Variants in DOCK7 observed in about 807,000 individuals in gnomAD.
DOCK7 encodes dedicator of cytokinesis 7, also known as dedicator of cytokinesis protein 7.
DOCK7 carries 138 observed loss-of-function variants against 271.0 expected under a neutral mutation model. The ratio of observed to expected loss-of-function variants is 0.51; its 90% CI spans 0.44 to 0.59. The LOEUF (loss-of-function observed/expected upper bound fraction) is 0.59, where lower values mean the gene tolerates loss of function less well. Ranked by LOEUF, DOCK7 falls within the 20% of genes least tolerant of loss-of-function variation. DOCK7 has a pLI of 0.00. For synonymous variants in DOCK7, 823 were observed against 876.1 expected, an observed-to-expected ratio of 0.94 and a Z score of 1.07; for missense variants, 2,066 against 2,592.4, an observed-to-expected ratio of 0.80 and a Z score of 4.41.
intron 37 of DOCK7, among the ~76,000 whole-genome samples, chr1:62,498,639 G>A (rs201883031): frequency 2.1e-5 from 3 of 145,684 alleles, no homozygotes; most frequent in Non-Finnish European, 1.5e-5. Context: ...CAAGCTACTT[G>A]AAAAAAAAAA....
chr1:62,642,163 C>T (rs911743316), intron 7 of DOCK7, among the ~76,000 whole-genome samples: 5 of 150,194 alleles, frequency 3.3e-5, no homozygotes, highest in African/African-American at 9.8e-5. Flanking sequence ...GGCTGGAGTG[C>T]AATGGTGTGA....
intron 48 of DOCK7, among the ~76,000 whole-genome samples, chr1:62,469,084 A>G (rs1169321683): frequency 2.0e-5 from 3 of 152,206 alleles, no homozygotes; most frequent in African/African-American, 4.8e-5. Context: ...TAAAATTCAC[A>G]TGGAACCAAA....
chr1:62,590,248 T>C (rs995176871), intron 14 of DOCK7, among the ~76,000 whole-genome samples: 10 of 151,974 alleles, frequency 6.6e-5, no homozygotes, highest in Non-Finnish European at 1.3e-4. Context: ...AAAGTAGCTG[T>C]GAAGGGAAAA....
At chr1:62,657,310 A>G (rs1658139408) in intron 2 of DOCK7, among the ~76,000 whole-genome samples, 1 of 152,196 alleles carries the variant, frequency 6.6e-6, no homozygotes, top group African/African-American at 2.4e-5. Context: ...AACAGTAAGT[A>G]ACAAGGAGTC....
At chr1:62,616,509 T>A (rs111424396) in intron 14 of DOCK7, among the ~76,000 whole-genome samples, 1 of 151,772 alleles carries the variant, frequency 6.6e-6, no homozygotes, top group Non-Finnish European at 1.5e-5. Context: ...TTATTCAAAT[T>A]ATATATAATT....
intron 14 of DOCK7, chr1:62,602,532 T>C (rs1190517295): frequency 1.5e-6 from 1 of 683,214 alleles, no homozygotes; most frequent in East Asian, 2.7e-5. Context: ...ACACATTTGT[T>C]AGTAAATTAC....
rs779334367 is a variant in DOCK7, at chr1:62,583,201, G to C, written c.1854C>G (p.Ala618=). 1.4e-5 allele frequency: 23 copies of C among 1,612,436 alleles called. No individual in the cohort carries two copies. The highest frequency in any genetic ancestry group is 2.0e-5 in the Non-Finnish European group (23 of 1,178,842). The change falls in exon 16 of 50, where the codon GCC becomes GCG. Residue 618 remains alanine (A), a synonymous_variant. Coordinates refer to ENST00000635253, the MANE Select transcript of DOCK7 (RefSeq NM_001367561.1). ...TTCAGTACCTGTTATGATATACTAC[G>C]GCTGTATAGGCTTCCTTTGAAAATT... is the stretch of plus-strand genomic sequence containing the variant. The part of the protein sequence containing the change: ...CSEFSKEAYT[A]VVYHNRSPDF...
At chr1:62,552,701 C>A in intron 22 of DOCK7, 31 bp downstream of exon 22, 1 of 1,552,308 alleles carries the variant, frequency 6.4e-7, no homozygotes, top group East Asian at 2.3e-5. Context: ...AAAACAAAAA[C>A]CAAATTTACA....
At chr1:62,604,770 T>C (rs771131159) in intron 14 of DOCK7, 19 of 1,612,838 alleles carry the variant, frequency 1.2e-5, no homozygotes, top group Non-Finnish European at 1.4e-5. Context: ...CTCTATAAAA[T>C]CAACCAAAAT....
rs140850263 is a variant in DOCK7, at chr1:62,677,298, G to C, written c.38+10929C>G. On this transcript the variant is annotated intron_variant, in intron 1 of 49. Coordinates refer to ENST00000635253, the MANE Select transcript of DOCK7 (RefSeq NM_001367561.1). Reference sequence around the variant, plus strand: ...CCTATACCCCTAAACATAGTAATTGGTTCAAGGAAGGACATGTGACCCAGC... The same window carrying C: ...CCTATACCCCTAAACATAGTAATTGCTTCAAGGAAGGACATGTGACCCAGC... Among the ~76,000 whole-genome samples the C allele has an allele frequency of 1.8e-4, 28 of 152,218 alleles. No individual in the cohort carries two copies. In the East Asian group the frequency reaches 5.0e-3, roughly 27 times the overall value.
chr1:62,491,342 G>A (rs898358236), intron 41 of DOCK7, among the ~76,000 whole-genome samples: 2 of 152,224 alleles, frequency 1.3e-5, no homozygotes, highest in African/African-American at 4.8e-5. Context: ...GAACCTCAGC[G>A]TGTCCTAAAC....
rs866143189 is a variant in DOCK7, at chr1:62,462,013, G to A, written c.6213-4308C>T. ...TTGAACCCAGGAGGCGGAGGTTGCA[G>A]TGAGCCGAGATCTTGCCATTATACT... is the stretch of plus-strand genomic sequence containing the variant. On this transcript the variant is annotated intron_variant, in intron 48 of 49. Transcript: ENST00000635253. Among the ~76,000 whole-genome samples, 5 of 151,578 alleles carry A rather than the reference G, an allele frequency of 3.3e-5. No individual in the cohort carries two copies. In the South Asian group the frequency reaches 1.0e-3, roughly 31 times the overall value.
At chr1:62,641,018 G>A in intron 7 of DOCK7, 1 of 164,500 alleles carries the variant, frequency 6.1e-6, no homozygotes, top group Non-Finnish European at 1.3e-5. Context: ...GCTGCCTGTG[G>A]CACCTGGACT....
intron 1 of DOCK7, among the ~76,000 whole-genome samples, chr1:62,670,082 C>T (rs910250475): frequency 1.3e-5 from 2 of 152,164 alleles, no homozygotes; most frequent in African/African-American, 4.8e-5. Flanking sequence ...GCCGGCCCAC[C>T]GGTGCTGCGC....
At chr1:62,563,783 G>A (rs1035490344) in intron 18 of DOCK7, among the ~76,000 whole-genome samples, 1 of 131,308 alleles carries the variant, frequency 7.6e-6, no homozygotes, top group Non-Finnish European at 1.6e-5. Flanking sequence ...ACCCATCACT[G>A]TGCTGTATTC....
rs139793443 is a variant in DOCK7 at position 62,633,567 on chromosome 1, G to A, written c.1047C>T (p.Val349=). The change falls in exon 10 of 50, where the codon GTC becomes GTT. Residue 349 remains valine, a synonymous_variant. Transcript: ENST00000635253. ...DVFLVIKLEK[V]LQQGDIGECA... ...ACTCTCCAATGTCTCCTTGCTGTAGGACTTTTTCTAGCTGTCAAAGGCAAA... is the reference window on the plus strand; with the variant it reads ...ACTCTCCAATGTCTCCTTGCTGTAGAACTTTTTCTAGCTGTCAAAGGCAAA... 4.3e-3 allele frequency: 6,862 copies of A among 1,611,876 alleles called. 18 individuals are homozygous for A. The highest frequency in any genetic ancestry group is 5.2e-3 in the Non-Finnish European group (6,112 of 1,179,012).
intron 1 of DOCK7, among the ~76,000 whole-genome samples, chr1:62,684,820 T>C (rs890264657): frequency 2.0e-5 from 3 of 152,150 alleles, no homozygotes; most frequent in Non-Finnish European, 4.4e-5. Flanking sequence ...AACAGTATAA[T>C]TAGTGATAAT....
chr1:62,482,114 A>C (rs1646144502), intron 43 of DOCK7: 1 of 152,244 alleles, frequency 6.6e-6, no homozygotes, highest in South Asian at 2.1e-4. Context: ...AATCATATTA[A>C]CAACAAAAAT....
At chr1:62,612,922 A>G (rs1337151340) in intron 14 of DOCK7, among the ~76,000 whole-genome samples, 1 of 152,210 alleles carries the variant, frequency 6.6e-6, no homozygotes, top group Non-Finnish European at 1.5e-5. Flanking sequence ...GGCTAACTCT[A>G]ACAATCCTGC....
Sources: allele counts gnomAD v4.1 joint callset (sites outside exome capture counted in the v4.1 genomes callset), GRCh38; gene constraint gnomAD v4.1.1; transcripts MANE v1.5; gene names NCBI Gene and HGNC (gene_info 2026-07-23, HGNC 2026-07-21).